Variants in SNAP25 observed in about 807,000 individuals in gnomAD.
SNAP25 encodes the protein synaptosomal-associated protein 25.
In SNAP25, 3 loss-of-function variants were observed where a neutral mutation model predicts 28.7. The ratio of observed to expected loss-of-function variants is 0.10; its 90% CI spans 0.05 to 0.27. The LOEUF is 0.27. SNAP25 is among the 10% of genes least tolerant of loss of function. The probability of loss-of-function intolerance (pLI) is 1.00; values close to 1 mark genes in which losing one functional copy is unlikely to be tolerated. For synonymous variants in SNAP25, 61 were observed against 88.1 expected (o/e 0.69, Z 1.72); for missense variants, 117 against 278.7 (o/e 0.42, Z 4.13).
intron 1 of SNAP25, among the ~76,000 whole-genome samples, chr20:10,238,136 A>G (rs1000128029): frequency 6.6e-6 from 1 of 151,898 alleles, no homozygotes; most frequent in African/African-American, 2.4e-5. Context: ...ACACTCTCCA[A>G]CTCATACCCA....
chr20:10,268,539 C>CT (rs1354581199), intron 1 of SNAP25, among the ~76,000 whole-genome samples: 17 of 152,126 alleles, frequency 1.1e-4, no homozygotes, highest in Non-Finnish European at 2.1e-4. Context: ...GCATAATAGC[C>CT]ATGTCTCTAT....
intron 6 of SNAP25, among the ~76,000 whole-genome samples, chr20:10,298,069 T>C (rs2064153494): frequency 6.6e-6 from 1 of 151,894 alleles, no homozygotes; most frequent in Non-Finnish European, 1.5e-5. Context: ...AGCCCAAGGG[T>C]TCTCAAGCCT....
chr20:10,277,891 A>G (rs2063718050), intron 3 of SNAP25, 165 bp downstream of exon 3: 2 of 632,534 alleles, frequency 3.2e-6, no homozygotes, highest in Non-Finnish European at 5.4e-6. Flanking sequence ...TTAAGTTGCC[A>G]GATAGCCATG....
chr20:10,279,874 A>G (rs2063750592), intron 3 of SNAP25, among the ~76,000 whole-genome samples: 1 of 152,190 alleles, frequency 6.6e-6, no homozygotes, highest in Non-Finnish European at 1.5e-5. Context: ...ATTTGCTCTT[A>G]CTTCCTCCTG....
intron 7 of SNAP25, among the ~76,000 whole-genome samples, chr20:10,302,052 C>A (rs181460609): frequency 3.8e-4 from 58 of 151,814 alleles, no homozygotes; most frequent in Non-Finnish European, 7.4e-5. Context: ...AAGGAAATAC[C>A]TTAGCAATGT....
intron 4 of SNAP25, among the ~76,000 whole-genome samples, chr20:10,290,983 A>G (rs376547385): frequency 2.0e-5 from 3 of 152,360 alleles, no homozygotes; most frequent in African/African-American, 7.2e-5. Flanking sequence ...CATTCTTAAA[A>G]GGAAACTGGA....
chr20:10,244,727 TTCTC>T (rs1026562284), intron 1 of SNAP25, among the ~76,000 whole-genome samples: 1 of 150,034 alleles, frequency 6.7e-6, no homozygotes, highest in South Asian at 2.1e-4. Flanking sequence ...CTTTCTTTCT[TTCTC>T]TCTTTTTTTT....
At chr20:10,232,036 C>T (rs2062837501) in intron 1 of SNAP25, among the ~76,000 whole-genome samples, 1 of 152,152 alleles carries the variant, frequency 6.6e-6, no homozygotes, top group Non-Finnish European at 1.5e-5. Context: ...ATAGGAAAAG[C>T]AGAGACGTAG....
chr20:10,252,351 T>C (rs1249583263), intron 1 of SNAP25, among the ~76,000 whole-genome samples: 1 of 152,218 alleles, frequency 6.6e-6, no homozygotes, highest in East Asian at 1.9e-4. Context: ...TCAAAACTGA[T>C]TAATGCCCTC....
Position 10,290,789 on chromosome 20 carries a change from G to A in SNAP25, c.164-2372G>A, listed in dbSNP as rs1389054906. Among the ~76,000 whole-genome samples the A allele has an allele frequency of 3.9e-5, 6 of 152,250 alleles. No individual in the cohort carries two copies. In the East Asian group the frequency reaches 1.2e-3, roughly 29 times the overall value. On this transcript the variant is annotated intron_variant, in intron 4 of 7. Coordinates refer to ENST00000254976, the MANE Select transcript of SNAP25 (RefSeq NM_130811.4). ...CTGGGGGCAGCATCTCTCCTTCTGAGTCCAGATGCCTCCTCCAATCCATCT... is the reference window on the plus strand; with the variant it reads ...CTGGGGGCAGCATCTCTCCTTCTGAATCCAGATGCCTCCTCCAATCCATCT...
chr20:10,254,158 G>A (rs2063278867), intron 1 of SNAP25, among the ~76,000 whole-genome samples: 1 of 152,200 alleles, frequency 6.6e-6, no homozygotes, highest in Non-Finnish European at 1.5e-5. Context: ...GCTGCTAAAG[G>A]CAATCTATGA....
chr20:10,249,847 C>G (rs577815099), intron 1 of SNAP25, among the ~76,000 whole-genome samples: 19 of 152,264 alleles, frequency 1.2e-4, no homozygotes, highest in African/African-American at 4.6e-4. Context: ...ACAGCTAACC[C>G]TCTGGAAAGT....
At chr20:10,304,535 T>C (rs2064311566) in intron 7 of SNAP25, among the ~76,000 whole-genome samples, 1 of 152,184 alleles carries the variant, frequency 6.6e-6, no homozygotes, top group Non-Finnish European at 1.5e-5. Flanking sequence ...AAGAAAATCA[T>C]AAGGAAGATA....
chr20:10,221,306 G>C (rs2062629457), intron 1 of SNAP25, among the ~76,000 whole-genome samples: 1 of 152,198 alleles, frequency 6.6e-6, no homozygotes, highest in African/African-American at 2.4e-5. Flanking sequence ...ACAGAGCTGA[G>C]AGGAAGAAGC....
At chr20:10,235,232 C>G (rs943189743) in intron 1 of SNAP25, among the ~76,000 whole-genome samples, 1 of 152,030 alleles carries the variant, frequency 6.6e-6, no homozygotes, top group Non-Finnish European at 1.5e-5. Context: ...GACCTCATCT[C>G]TAAAACATAA....
chr20:10,301,547 A>G (rs1039434247), intron 7 of SNAP25, among the ~76,000 whole-genome samples: 3 of 152,126 alleles, frequency 2.0e-5, no homozygotes, highest in Non-Finnish European at 2.9e-5. Context: ...CTCATTTCTG[A>G]TAACGGGACA....
At chr20:10,243,393 A>T (rs2063068943) in intron 1 of SNAP25, among the ~76,000 whole-genome samples, 1 of 152,190 alleles carries the variant, frequency 6.6e-6, no homozygotes, top group Non-Finnish European at 1.5e-5. Context: ...CTTCACTTGG[A>T]TTCCATCAGC....
chr20:10,255,455 A>G lies in SNAP25; in HGVS notation c.-63-19974A>G, dbSNP rs374352522. 3.5e-4 allele frequency among the ~76,000 whole-genome samples: 54 copies of G among 152,284 alleles called. No homozygotes were observed. The South Asian group carries it at 0.011, about 30-fold the overall frequency. ...AAGTTTCTGGAACAGTAACACCCAC[A>G]CACACACATACACACACAATTTATT... On this transcript the variant is annotated intron_variant, in intron 1 of 7. Transcript: ENST00000254976.
intron 4 of SNAP25, among the ~76,000 whole-genome samples, chr20:10,285,529 T>C (rs1402316391): frequency 6.6e-6 from 1 of 152,224 alleles, no homozygotes; most frequent in African/African-American, 2.4e-5. Context: ...AATAAACAGA[T>C]TTCTGCAAAG....
Sources: allele counts gnomAD v4.1 joint callset (sites outside exome capture counted in the v4.1 genomes callset), GRCh38; gene constraint gnomAD v4.1.1; transcripts MANE v1.5; gene names NCBI Gene and HGNC (gene_info 2026-07-23, HGNC 2026-07-21).